The following LYZL1 variants were observed in gnomAD, a reference collection of about 807,000 sequenced individuals.
LYZL1 encodes lysozyme-like protein 1.
LYZL1 carries 16 observed loss-of-function variants against 17.9 expected under a neutral mutation model. The ratio of observed to expected loss-of-function variants is 0.90; its 90% CI spans 0.61 to 1.36. The LOEUF (loss-of-function observed/expected upper bound fraction) is 1.36. Among genes scored for constraint, LYZL1 ranks in the 40% most tolerant of loss-of-function variants. The pLI is 0.00. For synonymous variants in LYZL1, 58 were observed against 71.8 expected (o/e 0.81, Z 0.97); for missense variants, 149 against 188.4 (o/e 0.79, Z 1.22).
intron 3 of LYZL1, among the ~76,000 whole-genome samples, chr10:29,305,543 T>C (rs559745231): frequency 5.7e-4 from 87 of 152,316 alleles, no homozygotes; most frequent in South Asian, 1.2e-3. Flanking sequence ...GTGCCTGACA[T>C]AGAGTAAGAT....
chr10:29,290,841 A>AAAAT lies in LYZL1; in HGVS notation c.-25-986_-25-983dup, dbSNP rs147253753. The stretch of plus-strand genomic sequence containing the variant: ...ACAACAGAGTGAGATTCCATCTCAA[A>AAAAT]AAATAAATAAATAAATAAAAGCACT... On this transcript the variant is annotated intron_variant, in intron 1 of 4. Transcript: ENST00000649382. 2.3e-4 allele frequency among the ~76,000 whole-genome samples: 35 copies of AAAAT among 151,866 alleles called. No homozygotes were observed. The East Asian group carries it at 3.9e-3, about 17-fold the overall frequency.
At chr10:29,300,406 C>T (rs945816731) in intron 3 of LYZL1, among the ~76,000 whole-genome samples, 2 of 152,128 alleles carry the variant, frequency 1.3e-5, no homozygotes, top group African/African-American at 4.8e-5. Context: ...AGTTTCTTAA[C>T]AGTATTCTTT....
downstream of LYZL1, chr10:29,311,301 A>G: frequency 7.8e-7 from 1 of 1,286,998 alleles, no homozygotes; most frequent in Non-Finnish European, 1.0e-6. Flanking sequence ...ACAATGCTCT[A>G]GCCTTGGAAA....
intron 3 of LYZL1, among the ~76,000 whole-genome samples, chr10:29,308,785 C>CCCATCTCTAG (rs1835631712): frequency 1.3e-5 from 2 of 151,764 alleles, no homozygotes; most frequent in South Asian, 2.1e-4. Context: ...ATGGTGAAAC[C>CCCATCTCTAG]TTCTCTCTGC....
chr10:29,306,896 C>CA (rs1835604398), intron 3 of LYZL1, among the ~76,000 whole-genome samples: 1 of 149,726 alleles, frequency 6.7e-6, no homozygotes, highest in Non-Finnish European at 1.5e-5. Context: ...GCTCTGTCAC[C>CA]CAGCCTGAAG....
chr10:29,316,725 T>C (rs1237692418), intron 3 of LYZL1, among the ~76,000 whole-genome samples: 2 of 150,990 alleles, frequency 1.3e-5, no homozygotes, highest in Non-Finnish European at 1.5e-5. Context: ...TTTTCTTTTT[T>C]TTTTAGAGGC....
chr10:29,306,549 C>CAAAAAAAAAAAAAA (rs58001118), intron 3 of LYZL1, among the ~76,000 whole-genome samples: 13 of 48,804 alleles, frequency 2.7e-4, no homozygotes, highest in East Asian at 9.8e-4. Flanking sequence ...GACTCCGTCT[C>CAAAAAAAAAAAAAA]AAAAAAAAAA....
chr10:29,310,623 C>T (rs191734198), intron 4 of LYZL1, among the ~76,000 whole-genome samples: 1 of 152,224 alleles, frequency 6.6e-6, no homozygotes, highest in East Asian at 1.9e-4. Flanking sequence ...TGTGTCATGG[C>T]GACTCAGCAG....
chr10:29,298,807 G>T (rs1835479479), intron 3 of LYZL1, among the ~76,000 whole-genome samples: 1 of 152,070 alleles, frequency 6.6e-6, no homozygotes, highest in South Asian at 2.1e-4. Flanking sequence ...CAACCTTTTT[G>T]GCACCAGGGA....
At chr10:29,311,985 CG>C (rs371035054), downstream of LYZL1, among the ~76,000 whole-genome samples, 632 of 150,590 alleles carry the variant, frequency 4.2e-3, 5 homozygotes, top group African/African-American at 0.014. Context: ...GGGGAGGGAA[CG>C]TTTTTTTTCC....
At chr10:29,301,044 A>C (rs564594585) in intron 3 of LYZL1, among the ~76,000 whole-genome samples, 2 of 152,138 alleles carry the variant, frequency 1.3e-5, no homozygotes, top group Admixed American at 1.3e-4. Context: ...GTCCCCACCG[A>C]AATCTCATCT....
rs111994889 is a variant in LYZL1 at position 29,289,378 on chromosome 10, C to A, written c.-26+148C>A. On this transcript the variant is annotated intron_variant, in intron 1 of 4. Coordinates refer to ENST00000649382, the MANE Select transcript of LYZL1 (RefSeq NM_032517.6). ...CTAAGGCAGGGGATGGAAACCAACTCTATTTGTAAGCTCTGTATCTTTTTT... is the reference window on the plus strand; with the variant it reads ...CTAAGGCAGGGGATGGAAACCAACTATATTTGTAAGCTCTGTATCTTTTTT... 56 of 504,590 alleles carry A rather than the reference C, an allele frequency of 1.1e-4. 1 individual carries two copies. The highest frequency in any genetic ancestry group is 1.0e-3 in the African/African-American group (51 of 50,248). The allele number at this position is 504,590 out of a possible 1,614,324, so 31.3% of individuals were successfully genotyped here.
chr10:29,302,772 G>A (rs2148899), intron 3 of LYZL1, among the ~76,000 whole-genome samples: 33,335 of 152,050 alleles, frequency 0.22, 3,701 homozygotes, highest in Admixed American at 0.29. Flanking sequence ...CGTACCCCGC[G>A]GACACAGTTG....
chr10:29,309,098 G>A (rs1286340246), intron 3 of LYZL1, among the ~76,000 whole-genome samples: 5 of 152,152 alleles, frequency 3.3e-5, no homozygotes, highest in African/African-American at 1.2e-4. Context: ...GGAGGCCGAG[G>A]TGGGTGGATC....
intron 1 of LYZL1, among the ~76,000 whole-genome samples, chr10:29,291,096 G>GA (rs1835358060): frequency 1.3e-5 from 2 of 149,044 alleles, no homozygotes; most frequent in African/African-American, 4.9e-5. Flanking sequence ...CTGCTCAGTT[G>GA]AAAATCTGCA....
At chr10:29,290,459 C>T (rs1040069404) in intron 1 of LYZL1, among the ~76,000 whole-genome samples, 2 of 152,134 alleles carry the variant, frequency 1.3e-5, no homozygotes, top group African/African-American at 4.8e-5. Flanking sequence ...CTCTTGCTCC[C>T]CAGTCAGGTG....
chr10:29,290,199 A>ATATG (rs1294230656), intron 1 of LYZL1, among the ~76,000 whole-genome samples: 1 of 152,222 alleles, frequency 6.6e-6, no homozygotes, highest in Non-Finnish European at 1.5e-5. Flanking sequence ...CGGGATGAAC[A>ATATG]TATGTAAGAA....
At chr10:29,299,845 A>G (rs192163330) in intron 3 of LYZL1, among the ~76,000 whole-genome samples, 4 of 152,340 alleles carry the variant, frequency 2.6e-5, no homozygotes, top group Admixed American at 1.3e-4. Context: ...TATAGATAGC[A>G]TATAGTTATG....
chr10:29,289,607 C>T (rs1283085242), intron 1 of LYZL1, among the ~76,000 whole-genome samples: 1 of 151,414 alleles, frequency 6.6e-6, no homozygotes, highest in Non-Finnish European at 1.5e-5. Context: ...TTTGTAGAGG[C>T]AGGGTCTACC....
Sources: allele counts gnomAD v4.1 joint callset (sites outside exome capture counted in the v4.1 genomes callset), GRCh38; gene constraint gnomAD v4.1.1; transcripts MANE v1.5; gene names NCBI Gene and HGNC (gene_info 2026-07-23, HGNC 2026-07-21).